Variants in DLG2 observed in about 807,000 individuals in gnomAD.
DLG2 encodes the protein disks large homolog 2.
A neutral mutation model predicts 132.5 loss-of-function variants in DLG2; 45 were observed. The observed-to-expected ratio is 0.34, with a 90% CI of 0.27 to 0.44. DLG2 has a LOEUF of 0.44. DLG2 is among the 20% of genes least tolerant of loss of function. The pLI is 1.00. For synonymous variants in DLG2, 424 were observed against 419.6 expected, an observed-to-expected ratio of 1.01 and a Z score of -0.13; for missense variants, 1,045 against 1,196.9, an observed-to-expected ratio of 0.87 and a Z score of 1.87.
chr11:84,822,111 C>T (rs77872029), intron 6 of DLG2, among the ~76,000 whole-genome samples: 2,819 of 151,832 alleles, frequency 0.019, 75 homozygotes, highest in African/African-American at 0.063. Flanking sequence ...CCAAAAGATA[C>T]GGCCCATAAG....
At chr11:83,872,058 G>A (rs141198573) in intron 16 of DLG2, among the ~76,000 whole-genome samples, 331 of 152,240 alleles carry the variant, frequency 2.2e-3, no homozygotes, top group African/African-American at 7.4e-3. Context: ...AAGGTCAGGC[G>A]TTTGAGACCA....
chr11:85,575,906 C>A (rs2153226750), intron 3 of DLG2, among the ~76,000 whole-genome samples: 1 of 152,256 alleles, frequency 6.6e-6, no homozygotes, highest in East Asian at 1.9e-4. Context: ...TCTAGAACAG[C>A]ATTTGGCACA....
intron 8 of DLG2, among the ~76,000 whole-genome samples, chr11:84,192,398 T>C (rs891955721): frequency 9.9e-5 from 15 of 152,176 alleles, no homozygotes; most frequent in Admixed American, 4.6e-4. Context: ...TATATGGGCC[T>C]TTTTATAATG....
intron 7 of DLG2, among the ~76,000 whole-genome samples, chr11:84,434,010 C>A (rs55769270): frequency 6.6e-6 from 1 of 150,862 alleles, no homozygotes; most frequent in African/African-American, 2.4e-5. Context: ...CCCAGCTACT[C>A]GGAAGGCTGC....
intron 6 of DLG2, among the ~76,000 whole-genome samples, chr11:85,090,393 A>G (rs2068575358): frequency 6.6e-6 from 1 of 152,188 alleles, no homozygotes; most frequent in Non-Finnish European, 1.5e-5. Context: ...CTCCACATCC[A>G]ATGGTCAGCA....
At chr11:84,905,035 C>G (rs946500490) in intron 6 of DLG2, among the ~76,000 whole-genome samples, 1 of 151,970 alleles carries the variant, frequency 6.6e-6, no homozygotes, top group Non-Finnish European at 1.5e-5. Context: ...ACCACCATGC[C>G]CAGTTAATTG....
intron 3 of DLG2, among the ~76,000 whole-genome samples, chr11:85,307,883 G>A (rs984796455): frequency 3.3e-5 from 5 of 152,110 alleles, no homozygotes; most frequent in African/African-American, 4.8e-5. Context: ...GGCTGGGCGC[G>A]GTGGCTCATG....
chr11:85,065,033 G>A (rs980323430), intron 6 of DLG2, among the ~76,000 whole-genome samples: 11 of 151,506 alleles, frequency 7.3e-5, no homozygotes, highest in African/African-American at 2.7e-4. Flanking sequence ...ATTTCAAGAG[G>A]GGTGGAGTCA....
chr11:85,056,937 A>G (rs1455296643), intron 6 of DLG2, among the ~76,000 whole-genome samples: 1 of 151,926 alleles, frequency 6.6e-6, no homozygotes, highest in Admixed American at 6.6e-5. Flanking sequence ...ATATTTTAAA[A>G]AATACTAAAG....
intron 18 of DLG2, among the ~76,000 whole-genome samples, chr11:83,737,760 T>C (rs2092092361): frequency 6.6e-6 from 1 of 152,210 alleles, no homozygotes; most frequent in African/African-American, 2.4e-5. Flanking sequence ...GAGACCATCT[T>C]GGTTAACACT....
rs767347493 is a variant in DLG2 at position 83,930,434 on chromosome 11, C to A, written c.1390G>T (p.Ala464Ser). The A allele has an allele frequency of 1.9e-6, 3 of 1,613,982 alleles. No homozygotes were observed. Among genetic ancestry groups the A allele is most frequent in the East Asian group, 2.2e-5 (1 of 44,876 alleles). ...STVNKLCDKP[A>S]SPRHYSPVEC... ...ACAGGGGAATAGTGCCTGGGAGAAGCAGGCTTATCACATAGTTTGTTCACA... is the reference window on the plus strand; with the variant it reads ...ACAGGGGAATAGTGCCTGGGAGAAGAAGGCTTATCACATAGTTTGTTCACA... The change falls in exon 15 of 28, where the codon GCT becomes TCT. Residue 464 changes from alanine (A) to serine (S), a missense_variant. This residue lies in a region of DLG2 where 261 missense variants were observed against 256.1 expected (regional missense o/e 1.02). Transcript: ENST00000376104.
intron 6 of DLG2, among the ~76,000 whole-genome samples, chr11:84,553,104 G>A (rs1353407904): frequency 6.6e-6 from 1 of 152,078 alleles, no homozygotes; most frequent in African/African-American, 2.4e-5. Context: ...AATCACAGGT[G>A]AGAAATACCT....
intron 6 of DLG2, among the ~76,000 whole-genome samples, chr11:84,566,112 C>A (rs1319549356): frequency 6.6e-6 from 1 of 151,940 alleles, no homozygotes; most frequent in Non-Finnish European, 1.5e-5. Context: ...CAGCACTCAA[C>A]CACGCCCAGC....
chr11:85,619,262 C>G (rs1433346897), intron 2 of DLG2, among the ~76,000 whole-genome samples: 12 of 152,156 alleles, frequency 7.9e-5, no homozygotes, highest in Non-Finnish European at 5.9e-5. Context: ...ACTGCAGTCT[C>G]AAACTCCTGG....
chr11:84,762,989 C>T (rs2067855974), intron 6 of DLG2, among the ~76,000 whole-genome samples: 1 of 152,142 alleles, frequency 6.6e-6, no homozygotes, highest in Admixed American at 6.6e-5. Flanking sequence ...TATAACAATT[C>T]TCCTTGCCCA....
At chr11:85,552,968 G>T (rs1269395421) in intron 3 of DLG2, among the ~76,000 whole-genome samples, 1 of 151,592 alleles carries the variant, frequency 6.6e-6, no homozygotes, top group Non-Finnish European at 1.5e-5. Context: ...ACATCATTGA[G>T]AAACTTCAGA....
At chr11:84,954,733 G>A (rs1366164010) in intron 6 of DLG2, among the ~76,000 whole-genome samples, 1 of 152,052 alleles carries the variant, frequency 6.6e-6, no homozygotes, top group Non-Finnish European at 1.5e-5. Flanking sequence ...TCCCCTATTA[G>A]GCTTCTAATT....
intron 18 of DLG2, among the ~76,000 whole-genome samples, chr11:83,738,516 T>G: frequency 6.6e-6 from 1 of 152,128 alleles, no homozygotes; most frequent in Admixed American, 6.6e-5. Flanking sequence ...GAGAAAAGCT[T>G]CGAAATAATT....
chr11:85,067,376 C>G (rs1334160130), intron 6 of DLG2, among the ~76,000 whole-genome samples: 1 of 151,768 alleles, frequency 6.6e-6, no homozygotes, highest in Non-Finnish European at 1.5e-5. Flanking sequence ...TTATTTCTTG[C>G]CTTCTGCAAG....
Sources: allele counts gnomAD v4.1 joint callset (sites outside exome capture counted in the v4.1 genomes callset), GRCh38; gene constraint gnomAD v4.1.1; regional missense constraint gnomAD v4.1.1; transcripts MANE v1.5; gene names NCBI Gene and HGNC (gene_info 2026-07-23, HGNC 2026-07-21).